DDX1: variants seen among roughly 807,000 people sequenced by gnomAD.
The protein encoded by DDX1 is ATP-dependent RNA helicase DDX1.
A neutral mutation model predicts 108.7 loss-of-function variants in DDX1; 28 were observed. The observed-to-expected ratio is 0.26, with a 90% confidence interval of 0.19 to 0.35. The LOEUF is 0.35. Among genes scored for constraint, DDX1 ranks in the 10% least tolerant of loss-of-function variants. The pLI, the probability that DDX1 is intolerant of heterozygous loss-of-function variation, is 1.00. For missense variants in DDX1, 710 were observed against 884.5 expected, an observed-to-expected ratio of 0.80 and a Z score of 2.50; for synonymous variants, 295 against 288.9, an observed-to-expected ratio of 1.02 and a Z score of -0.21.
chr2:15,607,292 A>G lies in DDX1; in HGVS notation c.935A>G (p.Tyr312Cys), dbSNP rs1456303550. The G allele has an allele frequency of 6.2e-7, 1 of 1,613,216 alleles. No homozygotes were observed. The highest frequency in any genetic ancestry group is 8.5e-7 in the Non-Finnish European group (1 of 1,179,290). The part of the protein sequence containing the change: ...TLNNIKQFKK[Y>C]IDNPKLRELL... ...AACAACATCAAGCAGTTTAAGAAAT[A>G]CATTGATAATCCTAAATTAAGGTAA... The change falls in exon 13 of 26, where the codon TAC (tyrosine) becomes TGC (cysteine). Residue 312 changes from tyrosine (Y) to cysteine (C), a missense_variant. Tyr to Cys is a radical substitution (Grantham distance 194). Around this residue, in one of 3 missense-constraint regions of DDX1, gnomAD observed 661 missense variants for 810.2 expected, o/e 0.82. Transcript: ENST00000233084.
chr2:15,617,135 CTACTT>C (rs527408531), intron 14 of DDX1, 104 bp from the exon 15 acceptor site: 464 of 444,292 alleles, frequency 1.0e-3, no homozygotes, highest in African/African-American at 8.9e-3. Flanking sequence ...AGTTGACTGA[CTACTT>C]CAATATGCAT....
In DDX1 at chr2:15,605,947, A is replaced by G; in HGVS notation, c.626-3A>G. 1 of 1,549,166 alleles carries G rather than the reference A, an allele frequency of 6.5e-7. No individual in the cohort carries two copies. Among genetic ancestry groups the G allele is most frequent in the Non-Finnish European group, 8.7e-7 (1 of 1,152,242 alleles). On this transcript the variant is annotated splice_region_variant and splice_polypyrimidine_tract_variant and intron_variant, in intron 10 of 25. Transcript: ENST00000233084. ...AATCTCTCTCTCTCTCTTGTTTTTT[A>G]AGGAAAAGATCTTGGTCTGGCATTT...
chr2:15,627,255 A>G (rs556147246), intron 20 of DDX1, 110 bp downstream of exon 20: 5 of 604,192 alleles, frequency 8.3e-6, no homozygotes, highest in African/African-American at 5.6e-5. Context: ...AGAAATTTCA[A>G]AATGTTTCTA....
At chr2:15,593,558 C>T (rs1665452284) in intron 1 of DDX1, among the ~76,000 whole-genome samples, 1 of 152,152 alleles carries the variant, frequency 6.6e-6, no homozygotes, top group African/African-American at 2.4e-5. Flanking sequence ...CTGGAATTTA[C>T]TGAAAATGAT....
Position 15,595,552 on chromosome 2 carries a change from T to C in DDX1, c.131T>C (p.Met44Thr), listed in dbSNP as rs1466514648. ...ATCTTAGGAGGAGGTGATGTACTTATGGTAAGTTTAAATTTGGTGAGGTGA... is the reference window on the plus strand; with the variant it reads ...ATCTTAGGAGGAGGTGATGTACTTACGGTAAGTTTAAATTTGGTGAGGTGA... Reference protein sequence around the residue: ...PLILGGGDVLMAAETGSGKTG... With the variant: ...PLILGGGDVLTAAETGSGKTG... The change falls in exon 3 of 26, where the codon ATG becomes ACG. Residue 44 changes from methionine (M) to threonine (T), a missense_variant and splice_region_variant. Met to Thr is a moderately conservative substitution (Grantham distance 81). This residue lies in a region of DDX1 where 48 missense variants were observed against 57.5 expected (regional missense o/e 0.83). Coordinates refer to ENST00000233084, the MANE Select transcript of DDX1 (RefSeq NM_004939.3). 6.2e-7 allele frequency: 1 copy of C among 1,605,866 alleles called. No individual in the cohort carries two copies. The highest frequency in any genetic ancestry group is 8.5e-7 in the Non-Finnish European group (1 of 1,172,456).
rs371171041 is a variant in DDX1 at position 15,614,943 on chromosome 2, A to G, written c.1017+1659A>G. Among the ~76,000 whole-genome samples the G allele has an allele frequency of 1.5e-3, 235 of 152,344 alleles. 2 individuals are homozygous for G. Among genetic ancestry groups the G allele is most frequent in the Non-Finnish European group, 2.3e-3 (154 of 68,022 alleles). ...CTAAAGCTTATAGAGCTTTTAGGGA[A>G]TTAAATCTGCTTTCATCAGGATGTC... On this transcript the variant is annotated intron_variant, in intron 14 of 25. Coordinates refer to ENST00000233084, the MANE Select transcript of DDX1 (RefSeq NM_004939.3).
At position 15,620,303 on chromosome 2, in the gene DDX1, A is replaced by G; in HGVS notation, c.1302A>G (p.Glu434=). 1 of 1,613,982 alleles carries G rather than the reference A, an allele frequency of 6.2e-7. No individual in the cohort carries two copies. The highest frequency in any genetic ancestry group is 1.3e-5 in the African/African-American group (1 of 75,046). ...CTACATGGGTTGACTTAAAAGGAGA[A>G]GACTCTGTTCCAGATACTGTACACC... The part of the protein sequence containing the change: ...HFPTWVDLKG[E]DSVPDTVHHV... The change falls in exon 17 of 26, where the codon GAA becomes GAG. Residue 434 remains glutamate (E), a synonymous_variant. Transcript: ENST00000233084.
intron 11 of DDX1, 60 bp from the exon 12 acceptor site, chr2:15,606,090 T>C: frequency 6.4e-7 from 1 of 1,564,134 alleles, no homozygotes; most frequent in Non-Finnish European, 8.8e-7. Context: ...TTCATTATTT[T>C]GTATACGATG....
chr2:15,629,837 C>G (rs1171198526), intron 24 of DDX1, 140 bp downstream of exon 24: 2 of 1,009,090 alleles, frequency 2.0e-6, no homozygotes, highest in Non-Finnish European at 2.9e-6. Context: ...GTTATCTGCA[C>G]TTTGCTAATT....
At position 15,617,302 on chromosome 2, in the gene DDX1, T is replaced by C; in HGVS notation, c.1076T>C (p.Leu359Pro). 6.3e-7 allele frequency: 1 copy of C among 1,598,692 alleles called. No homozygotes were observed. The highest frequency in any genetic ancestry group is 1.1e-5 in the South Asian group (1 of 88,494). ...RLDDLVSTGKLNLSQVRFLVL... is the reference protein window; with the variant it reads ...RLDDLVSTGKPNLSQVRFLVL... ...GATGACTTGGTGTCAACTGGAAAGC[T>C]GAACTTATCTCAAGTTAGATTCCTG... Residue 359 changes from leucine to proline, a missense_variant, in exon 15 of 26, where the codon CTG becomes CCG. Leu to Pro is a moderately conservative substitution (Grantham distance 98). Transcript: ENST00000233084.
rs770981172 is a variant in DDX1, at chr2:15,618,172, C to T, written c.1117-9C>T. ...TAAAAACTTAATTTATTCTTTGTTTCTCATGCAGGATGGGCTTCTTTCTCA... is the reference window on the plus strand; with the variant it reads ...TAAAAACTTAATTTATTCTTTGTTTTTCATGCAGGATGGGCTTCTTTCTCA... On this transcript the variant is annotated splice_polypyrimidine_tract_variant and intron_variant, in intron 15 of 25. Transcript: ENST00000233084. The T allele has an allele frequency of 9.3e-6, 14 of 1,513,244 alleles. No individual in the cohort carries two copies. Among genetic ancestry groups the T allele is most frequent in the Non-Finnish European group, 1.3e-5 (14 of 1,099,854 alleles). The allele number at this position is 1,513,244 out of a possible 1,614,324, so 93.7% of individuals were successfully genotyped here.
At chr2:15,592,305 C>A (rs1024905141) in intron 1 of DDX1, among the ~76,000 whole-genome samples, 1 of 152,186 alleles carries the variant, frequency 6.6e-6, no homozygotes. Context: ...GTGGCAGTGA[C>A]CCTTTGGGAA....
At chr2:15,602,692 T>A (rs1379108530) in intron 7 of DDX1, 61 bp downstream of exon 7, 1 of 1,255,990 alleles carries the variant, frequency 8.0e-7, no homozygotes, top group Non-Finnish European at 1.2e-6. Context: ...TACGTGAGGG[T>A]TTTTTTGTTG....
intron 4 of DDX1, among the ~76,000 whole-genome samples, 194 bp downstream of exon 4, chr2:15,596,957 A>G (rs1665510437): frequency 6.6e-6 from 1 of 152,240 alleles, no homozygotes; most frequent in Non-Finnish European, 1.5e-5. Flanking sequence ...CCTTAAGAAC[A>G]TAGTTTTAAA....
intron 13 of DDX1, among the ~76,000 whole-genome samples, chr2:15,611,698 C>T (rs1351552437): frequency 1.8e-5 from 2 of 113,252 alleles, no homozygotes; most frequent in Admixed American, 1.6e-4. Flanking sequence ...GGCTGACCCC[C>T]CCACCTCCCT....
Position 15,630,022 on chromosome 2 carries a change from T to C in DDX1, c.2004T>C (p.Cys668=). The part of the protein sequence containing the change: ...LLSEIEEHLN[C]TISQVEPDIK... Reference sequence around the variant, plus strand: ...CTGAGATAGAAGAACACCTGAACTGTACCATTTCTCAGGTTGAGCCGGATA... The same window carrying C: ...CTGAGATAGAAGAACACCTGAACTGCACCATTTCTCAGGTTGAGCCGGATA... Residue 668 remains cysteine (C), a synonymous_variant, in exon 25 of 26, where the codon TGT becomes TGC. Transcript: ENST00000233084. 1 of 1,613,022 alleles carries C rather than the reference T, an allele frequency of 6.2e-7. No homozygotes were observed. Among genetic ancestry groups the C allele is most frequent in the Non-Finnish European group, 8.5e-7 (1 of 1,179,148 alleles).
rs1391908185 is a variant in DDX1, at chr2:15,628,525, G to A, written c.1759+8G>A. The A allele has an allele frequency of 3.7e-6, 6 of 1,611,854 alleles. No homozygotes were observed. The Admixed American group carries it at 5.0e-5, about 13-fold the overall frequency. Reference sequence around the variant, plus strand: ...TCCACGGTGTTCCTTATGGTAAAAAGCAACTTTTTATGCCTGTAGTGTGAT... The same window carrying A: ...TCCACGGTGTTCCTTATGGTAAAAAACAACTTTTTATGCCTGTAGTGTGAT... On this transcript the variant is annotated splice_region_variant and intron_variant, in intron 21 of 25. Transcript: ENST00000233084.
At chr2:15,600,020 CTATCTCA>C (rs955584982) in intron 6 of DDX1, among the ~76,000 whole-genome samples, 6 of 140,564 alleles carry the variant, frequency 4.3e-5, no homozygotes, top group African/African-American at 1.6e-4. Context: ...AAATTGACTT[CTATCTCA>C]TATCATAATT....
intron 1 of DDX1, among the ~76,000 whole-genome samples, chr2:15,594,134 A>G (rs1199080436): frequency 3.3e-5 from 5 of 152,130 alleles, no homozygotes; most frequent in Non-Finnish European, 2.9e-5. Flanking sequence ...TTCTTTGAAA[A>G]TGATGATCCT....
Sources: gnomAD v4.1 joint callset for allele counts (sites outside exome capture counted in the v4.1 genomes callset) on GRCh38, gnomAD v4.1.1 for gene constraint, gnomAD v4.1.1 regional missense constraint, MANE v1.5 for transcripts, NCBI Gene and HGNC (gene_info 2026-07-23, HGNC 2026-07-21) for gene names.